Variants in SHC4 observed in about 807,000 individuals in gnomAD.
SHC4 encodes SHC adaptor protein 4, also known as SHC-transforming protein 4.
SHC4 carries 41 observed loss-of-function variants against 69.4 expected under a neutral mutation model. The observed-to-expected ratio is 0.59, with a 90% confidence interval of 0.46 to 0.77. SHC4 has a LOEUF of 0.77. Among genes scored for constraint, SHC4 ranks in the 30% least tolerant of loss-of-function variants. The pLI is 0.00. For synonymous variants in SHC4, 318 were observed against 299.3 expected, an observed-to-expected ratio of 1.06 and a Z score of -0.64; for missense variants, 777 against 783.8, an observed-to-expected ratio of 0.99 and a Z score of 0.10.
chr15:48,865,598 C>T (rs1430920649), intron 6 of SHC4, among the ~76,000 whole-genome samples: 1 of 152,202 alleles, frequency 6.6e-6, no homozygotes, highest in Non-Finnish European at 1.5e-5. Context: ...TGCCTGACAT[C>T]GTACAGTGAG....
intron 1 of SHC4, among the ~76,000 whole-genome samples, chr15:48,931,328 T>A (rs1354001672): frequency 6.6e-6 from 1 of 152,212 alleles, no homozygotes; most frequent in Non-Finnish European, 1.5e-5. Context: ...TACTGCCTCA[T>A]GCTCATGCCA....
chr15:48,874,245 A>G (rs888995249), intron 4 of SHC4, among the ~76,000 whole-genome samples: 19 of 152,284 alleles, frequency 1.2e-4, no homozygotes, highest in African/African-American at 4.3e-4. Context: ...TTCAAAGTCT[A>G]AAAATAGACT....
chr15:48,919,295 A>T (rs28452688), intron 2 of SHC4, among the ~76,000 whole-genome samples: 16 of 71,248 alleles, frequency 2.2e-4, no homozygotes, highest in Non-Finnish European at 3.7e-4. Context: ...ATTTATTTTA[A>T]TTTTTTTTTT....
At chr15:48,916,982 A>T (rs1900635274) in intron 2 of SHC4, among the ~76,000 whole-genome samples, 1 of 152,184 alleles carries the variant, frequency 6.6e-6, no homozygotes, top group African/African-American at 2.4e-5. Context: ...GATGAAATAA[A>T]TGTTCCCTTT....
intron 1 of SHC4, among the ~76,000 whole-genome samples, chr15:48,960,717 G>A (rs548224144): frequency 2.8e-4 from 43 of 152,136 alleles, no homozygotes; most frequent in Non-Finnish European, 5.0e-4. Context: ...TCGCCTGAGT[G>A]CTAGTTTTAT....
chr15:48,881,774 G>A (rs1272702104), intron 4 of SHC4, among the ~76,000 whole-genome samples: 1 of 152,076 alleles, frequency 6.6e-6, no homozygotes, highest in Non-Finnish European at 1.5e-5. Flanking sequence ...TTAAAACAAG[G>A]AAATACCTAT....
chr15:48,911,890 T>TAA (rs1169660422), intron 2 of SHC4, among the ~76,000 whole-genome samples: 1 of 152,188 alleles, frequency 6.6e-6, no homozygotes, highest in East Asian at 1.9e-4. Flanking sequence ...TATTGGCTGA[T>TAA]AATTGTTTTG....
intron 11 of SHC4, among the ~76,000 whole-genome samples, chr15:48,826,650 C>A (rs1898695405): frequency 6.6e-6 from 1 of 152,198 alleles, no homozygotes; most frequent in African/African-American, 2.4e-5. Context: ...CAATCAGCCT[C>A]TTTGCAGTAT....
intron 2 of SHC4, among the ~76,000 whole-genome samples, chr15:48,906,913 C>T (rs1404453878): frequency 6.6e-6 from 1 of 152,168 alleles, no homozygotes; most frequent in African/African-American, 2.4e-5. Flanking sequence ...TGCTCAGACT[C>T]AATGACCTAC....
At chr15:48,877,997 CG>C in intron 4 of SHC4, 1 of 659,674 alleles carries the variant, frequency 1.5e-6, no homozygotes, top group Admixed American at 3.5e-5. Context: ...GCCAACACCC[CG>C]GAGAAAACAC....
intron 1 of SHC4, among the ~76,000 whole-genome samples, chr15:48,940,057 C>CTGCT (rs2141033086): frequency 6.6e-6 from 1 of 152,326 alleles, no homozygotes; most frequent in East Asian, 1.9e-4. Flanking sequence ...CAAGGTTGCT[C>CTGCT]TAGGTGTCTG....
At chr15:48,952,916 G>A (rs1240084250) in intron 1 of SHC4, among the ~76,000 whole-genome samples, 3 of 152,234 alleles carry the variant, frequency 2.0e-5, no homozygotes, top group Non-Finnish European at 4.4e-5. Context: ...CCATTACTGG[G>A]TATATACCCA....
At chr15:48,931,857 T>C (rs1435594454) in intron 1 of SHC4, among the ~76,000 whole-genome samples, 2 of 151,988 alleles carry the variant, frequency 1.3e-5, no homozygotes, top group East Asian at 3.9e-4. Flanking sequence ...ATATCTTGTG[T>C]TTCTGTTTGC....
At chr15:48,952,824 G>T (rs930081893) in intron 1 of SHC4, among the ~76,000 whole-genome samples, 1 of 152,178 alleles carries the variant, frequency 6.6e-6, no homozygotes, top group East Asian at 1.9e-4. Context: ...TGGTGGGAGT[G>T]CAAATAGTTC....
intron 2 of SHC4, among the ~76,000 whole-genome samples, chr15:48,919,648 C>T (rs1277015658): frequency 6.6e-6 from 1 of 151,964 alleles, no homozygotes; most frequent in East Asian, 1.9e-4. Flanking sequence ...CCATGATGTC[C>T]ATGGTCATCT....
intron 2 of SHC4, among the ~76,000 whole-genome samples, chr15:48,917,545 T>A (rs1259854757): frequency 1.3e-5 from 2 of 152,098 alleles, no homozygotes; most frequent in Non-Finnish European, 2.9e-5. Flanking sequence ...AAAAACCTCC[T>A]CTTTTGCCCT....
At chr15:48,844,770 T>C (rs1370991446) in intron 9 of SHC4, among the ~76,000 whole-genome samples, 1 of 152,194 alleles carries the variant, frequency 6.6e-6, no homozygotes, top group Middle Eastern at 3.2e-3. Flanking sequence ...GTTTCAGATC[T>C]GATGGTTTTA....
chr15:48,955,605 A>G (rs1472329785), intron 1 of SHC4, among the ~76,000 whole-genome samples: 1 of 152,152 alleles, frequency 6.6e-6, no homozygotes, highest in Non-Finnish European at 1.5e-5. Flanking sequence ...GGACCTCCTT[A>G]ATCAAAAGGT....
chr15:48,838,406 T>C (rs761040576), intron 10 of SHC4, among the ~76,000 whole-genome samples: 11 of 152,236 alleles, frequency 7.2e-5, no homozygotes, highest in Admixed American at 5.2e-4. Flanking sequence ...TGAATAATGA[T>C]AATTGACTGT....
Sources: allele counts gnomAD v4.1 joint callset (sites outside exome capture counted in the v4.1 genomes callset), GRCh38; gene constraint gnomAD v4.1.1; transcripts MANE v1.5; gene names NCBI Gene and HGNC (gene_info 2026-07-23, HGNC 2026-07-21).